Variants in RBMS2 observed in about 807,000 individuals in gnomAD.
The protein encoded by RBMS2 is RNA-binding motif, single-stranded-interacting protein 2.
A neutral mutation model predicts 58.4 loss-of-function variants in RBMS2; 38 were observed. The ratio of observed to expected loss-of-function variants is 0.65; its 90% CI spans 0.50 to 0.85. The LOEUF (loss-of-function observed/expected upper bound fraction) is 0.85. Ranked by LOEUF, RBMS2 falls within the 40% of genes least tolerant of loss-of-function variation. RBMS2 has a pLI of 0.00. For synonymous variants in RBMS2, 151 were observed against 180.7 expected (o/e 0.84, Z 1.32); for missense variants, 367 against 503.7 (o/e 0.73, Z 2.60).
At chr12:56,530,306 C>T (rs1873467463) in intron 1 of RBMS2, among the ~76,000 whole-genome samples, 1 of 146,358 alleles carries the variant, frequency 6.8e-6, no homozygotes, top group Non-Finnish European at 1.5e-5. Flanking sequence ...GAGATAAAAG[C>T]TAGAAGAGGA....
At chr12:56,577,649 G>A (rs1181751756) in intron 5 of RBMS2, among the ~76,000 whole-genome samples, 2 of 151,106 alleles carry the variant, frequency 1.3e-5, no homozygotes, top group South Asian at 2.1e-4. Flanking sequence ...TAATTTTTTG[G>A]TGGGGGGATG....
chr12:56,573,016 T>G, intron 5 of RBMS2: 1 of 976,520 alleles, frequency 1.0e-6, no homozygotes, highest in Non-Finnish European at 1.2e-6. Flanking sequence ...GCTCTGCTTT[T>G]ATTTATTTTA....
chr12:56,581,907 GAAA>G, intron 8 of RBMS2, 28 bp downstream of exon 8: 1 of 1,610,554 alleles, frequency 6.2e-7, no homozygotes, highest in Non-Finnish European at 8.5e-7. Flanking sequence ...CAAGCCACCT[GAAA>G]ATGATAATGG....
intron 1 of RBMS2, among the ~76,000 whole-genome samples, chr12:56,531,256 A>G (rs1873670109): frequency 6.6e-6 from 1 of 152,108 alleles, no homozygotes; most frequent in African/African-American, 2.4e-5. Flanking sequence ...ATAGCATCTT[A>G]GGCCTATCTA....
At chr12:56,580,230 CTTTTTTT>C (rs544289831) in intron 5 of RBMS2, 9 of 313,940 alleles carry the variant, frequency 2.9e-5, no homozygotes, top group Admixed American at 8.3e-5. Flanking sequence ...TGAGCCTGGC[CTTTTTTT>C]TTTTTTTTTT....
At chr12:56,531,770 A>T (rs1873777310) in intron 1 of RBMS2, among the ~76,000 whole-genome samples, 1 of 148,422 alleles carries the variant, frequency 6.7e-6, no homozygotes, top group Non-Finnish European at 1.5e-5. Context: ...GTGAGCCGAG[A>T]TCTGCCACTG....
In RBMS2 at chr12:56,581,250, C is replaced by T; in HGVS notation, c.609C>T (p.Pro203=). ...TTAATGGAAAATATATTAAGACACC[C>T]CCTGGAGTACCAGGTGAGGCATCTG... is the stretch of plus-strand genomic sequence containing the variant. ...THFNGKYIKT[P]PGVPAPSDPL... The change falls in exon 6 of 14, where the codon CCC becomes CCT. Residue 203 remains proline (P), a synonymous_variant. Coordinates refer to ENST00000262031, the MANE Select transcript of RBMS2 (RefSeq NM_002898.4). The T allele has an allele frequency of 1.2e-6, 2 of 1,604,260 alleles. No homozygotes were observed. Among genetic ancestry groups the T allele is most frequent in the Non-Finnish European group, 1.7e-6 (2 of 1,171,058 alleles).
intron 11 of RBMS2, 121 bp from the exon 12 acceptor site, chr12:56,588,173 C>A: frequency 1.3e-6 from 1 of 789,320 alleles, no homozygotes; most frequent in Non-Finnish European, 2.1e-6. Context: ...AATGCTCAGA[C>A]CAATTAAAAT....
chr12:56,564,667 A>G (rs1210900384), intron 2 of RBMS2, among the ~76,000 whole-genome samples: 5 of 152,194 alleles, frequency 3.3e-5, no homozygotes, highest in Non-Finnish European at 7.3e-5. Flanking sequence ...CCTGGCTTCA[A>G]GTCCCTTAGA....
chr12:56,521,033 GAGAAAC>G (rs1353182769), upstream of RBMS2, among the ~76,000 whole-genome samples: 2 of 152,224 alleles, frequency 1.3e-5, no homozygotes, highest in Non-Finnish European at 2.9e-5. Context: ...TATGACCCAA[GAGAAAC>G]ACATCTAAGG....
At chr12:56,541,406 A>G (rs148018705) in intron 1 of RBMS2, among the ~76,000 whole-genome samples, 66 of 152,256 alleles carry the variant, frequency 4.3e-4, no homozygotes, top group African/African-American at 1.5e-3. Flanking sequence ...AGGATTTGCA[A>G]ACTGGTAGGG....
At chr12:56,527,570 C>T (rs1872877575) in intron 1 of RBMS2, among the ~76,000 whole-genome samples, 2 of 152,092 alleles carry the variant, frequency 1.3e-5, no homozygotes, top group African/African-American at 4.8e-5. Context: ...CGAGATCGCG[C>T]CATTGCACTT....
chr12:56,559,850 C>CAA (rs1183186392), intron 1 of RBMS2, among the ~76,000 whole-genome samples: 3 of 47,426 alleles, frequency 6.3e-5, no homozygotes, highest in African/African-American at 2.4e-4. Context: ...GACTCTGCCT[C>CAA]AAAAAAAAAA....
chr12:56,581,601 C>T, intron 7 of RBMS2, 93 bp downstream of exon 7: 2 of 1,343,734 alleles, frequency 1.5e-6, no homozygotes, highest in Non-Finnish European at 2.1e-6. Context: ...AGGTGGAAAG[C>T]TTGAGAGCTA....
intron 1 of RBMS2, among the ~76,000 whole-genome samples, chr12:56,529,271 G>A (rs1383199052): frequency 6.6e-6 from 1 of 152,146 alleles, no homozygotes; most frequent in Non-Finnish European, 1.5e-5. Context: ...TGGGGTACTA[G>A]GCTGAGTGTG....
chr12:56,594,643 A>T lies in RBMS2; in HGVS notation c.*5510A>T, dbSNP rs1194603565. 1 of 152,170 alleles carries T rather than the reference A, an allele frequency of 6.6e-6. No homozygotes were observed. The highest frequency in any genetic ancestry group is 1.9e-4 in the East Asian group (1 of 5,196). 9.4% of individuals were successfully genotyped at this position (152,170 alleles called of 1,614,324 possible). ...GACTTCCATAGGAGTTGGCAGCTAA[A>T]ACCAGACTGTGAGCTTCTGTCTCCG... is the stretch of plus-strand genomic sequence containing the variant. On this transcript the variant is annotated 3_prime_UTR_variant, in exon 14 of 14. Coordinates refer to ENST00000262031, the MANE Select transcript of RBMS2 (RefSeq NM_002898.4).
chr12:56,575,818 T>C (rs910908699), intron 5 of RBMS2, among the ~76,000 whole-genome samples: 2 of 151,096 alleles, frequency 1.3e-5, no homozygotes, highest in African/African-American at 2.4e-5. Flanking sequence ...CATTTGAACC[T>C]GGGAGGCGGA....
At position 56,589,545 on chromosome 12, in the gene RBMS2, T is replaced by C; in HGVS notation, c.*412T>C. 4.5e-6 allele frequency: 1 copy of C among 220,800 alleles called. No homozygotes were observed. The highest frequency in any genetic ancestry group is 9.1e-6 in the Non-Finnish European group (1 of 109,746). 13.7% of individuals were successfully genotyped at this position (220,800 alleles called of 1,614,324 possible). ...TGCTTTTAAAACAATTTGTAATTAT[T>C]TCTTTACAAACCAAAACAGAACAGA... On this transcript the variant is annotated 3_prime_UTR_variant, in exon 14 of 14. Coordinates refer to ENST00000262031, the MANE Select transcript of RBMS2 (RefSeq NM_002898.4).
chr12:56,522,261 C>G (rs1871846920), intron 1 of RBMS2, among the ~76,000 whole-genome samples, 172 bp downstream of exon 1: 1 of 152,044 alleles, frequency 6.6e-6, no homozygotes, highest in Admixed American at 6.6e-5. Context: ...CTTTCCTCAA[C>G]TGGTTCTGGA....
Sources: gnomAD v4.1 joint callset for allele counts (sites outside exome capture counted in the v4.1 genomes callset) on GRCh38, gnomAD v4.1.1 for gene constraint, MANE v1.5 for transcripts, NCBI Gene and HGNC (gene_info 2026-07-23, HGNC 2026-07-21) for gene names.